Variants in EIF3L observed in about 807,000 individuals in gnomAD.
EIF3L encodes eIEF associated protein HSPC021.
EIF3L carries 32 observed loss-of-function variants against 74.6 expected under a neutral mutation model. The ratio of observed to expected loss-of-function variants is 0.43; its 90% CI spans 0.32 to 0.58. EIF3L has a LOEUF of 0.58. Ranked by LOEUF, EIF3L falls within the 20% of genes least tolerant of loss-of-function variation. The pLI is 0.06. For synonymous variants in EIF3L, 256 were observed against 254.4 expected, an observed-to-expected ratio of 1.01 and a Z score of -0.06; for missense variants, 474 against 707.8, an observed-to-expected ratio of 0.67 and a Z score of 3.75.
intron 11 of EIF3L, chr22:37,884,283 T>G (rs1927208642): frequency 6.6e-6 from 1 of 152,238 alleles, no homozygotes; most frequent in South Asian, 2.1e-4. Context: ...GTACTGCATT[T>G]TGTTTATCCA....
intron 11 of EIF3L, chr22:37,882,224 T>C (rs1049050246): frequency 6.6e-6 from 1 of 151,912 alleles, no homozygotes; most frequent in African/African-American, 2.4e-5. Context: ...GGAGACTCAC[T>C]TGAGCCCAAG....
intron 7 of EIF3L, 66 bp from the exon 8 acceptor site, chr22:37,870,110 A>T: frequency 1.4e-6 from 2 of 1,429,602 alleles, no homozygotes; most frequent in Non-Finnish European, 1.9e-6. Context: ...CGTTTTCAGC[A>T]TTGTGGACAT....
At chr22:37,864,371 G>T (rs139807825) in intron 7 of EIF3L, among the ~76,000 whole-genome samples, 1 of 152,204 alleles carries the variant, frequency 6.6e-6, no homozygotes, top group African/African-American at 2.4e-5. Flanking sequence ...GGTTACTTAA[G>T]TGTATGCTCG....
intron 8 of EIF3L, among the ~76,000 whole-genome samples, chr22:37,873,204 G>A (rs1926565047): frequency 6.6e-6 from 1 of 151,744 alleles, no homozygotes; most frequent in Admixed American, 6.6e-5. Flanking sequence ...GGGCAGGCTG[G>A]GCTCAAACTC....
chr22:37,872,341 C>G (rs1453193001), intron 8 of EIF3L, among the ~76,000 whole-genome samples: 1 of 152,112 alleles, frequency 6.6e-6, no homozygotes, highest in East Asian at 1.9e-4. Flanking sequence ...CCAGGCTGCT[C>G]TTGAACTCCC....
At chr22:37,858,496 A>G in intron 4 of EIF3L, 183 bp from the exon 5 acceptor site, 1 of 654,018 alleles carries the variant, frequency 1.5e-6, no homozygotes, top group East Asian at 2.7e-5. Context: ...ACAGAGATTG[A>G]GGTTGATGGA....
At chr22:37,883,979 GT>G (rs1927192069) in intron 11 of EIF3L, 1 of 152,156 alleles carries the variant, frequency 6.6e-6, no homozygotes, top group Non-Finnish European at 1.5e-5. Context: ...TGTTCACAGT[GT>G]TTTGCAACCA....
rs35994639 is a variant in EIF3L at position 37,874,895 on chromosome 22, A to ATT, written c.906+392_906+393dup. On this transcript the variant is annotated intron_variant, in intron 9 of 12. Coordinates refer to ENST00000652021, the MANE Select transcript of EIF3L (RefSeq NM_016091.4). ...AGGCATGCGCCACCATGCCCAGCTA[A>ATT]TTTTTTTTTTTTTTTTTTTTTTGTA... 7.0e-3 allele frequency among the ~76,000 whole-genome samples: 798 copies of ATT among 113,462 alleles called. 3 individuals carry two copies. Among genetic ancestry groups the ATT allele is most frequent in the Middle Eastern group, 0.011 (2 of 184 alleles). The allele number at this position is 113,462 out of a possible 152,430, so 74.4% of individuals were successfully genotyped here. A position where few individuals can be genotyped will look rare whatever the true frequency, so the allele number is the denominator to read the frequency against.
chr22:37,862,260 C>T (rs934152772), intron 5 of EIF3L, among the ~76,000 whole-genome samples: 4 of 152,184 alleles, frequency 2.6e-5, no homozygotes, highest in African/African-American at 9.7e-5. Flanking sequence ...TGTTTCTTCT[C>T]CATCACAAAT....
chr22:37,854,641 A>G (rs866377615), intron 3 of EIF3L, among the ~76,000 whole-genome samples: 1 of 151,944 alleles, frequency 6.6e-6, no homozygotes, highest in Non-Finnish European at 1.5e-5. Context: ...CTAATTTTGT[A>G]TTTTTAGTGG....
Position 37,874,509 on chromosome 22 carries a change from C to T in EIF3L, c.891C>T (p.Ile297=), listed in dbSNP as rs373890090. The stretch of plus-strand genomic sequence containing the variant: ...AGGCCATCAAGGTGCTGGAGAACAT[C>T]GAACTGAACAAGAAGGTGATGCCTA... The part of the protein sequence containing the change: ...YYQAIKVLEN[I]ELNKKSMYSR... Residue 297 remains isoleucine (I), a synonymous_variant, in exon 9 of 13, where the codon ATC becomes ATT. Transcript: ENST00000652021. 3 of 1,613,996 alleles carry T rather than the reference C, an allele frequency of 1.9e-6. No homozygotes were observed. Among genetic ancestry groups the T allele is most frequent in the South Asian group, 1.1e-5 (1 of 91,038 alleles).
At chr22:37,855,704 A>T (rs896197624) in intron 4 of EIF3L, 60 bp downstream of exon 4, 50 of 1,438,754 alleles carry the variant, frequency 3.5e-5, no homozygotes, top group Non-Finnish European at 4.9e-5. Context: ...GAGTCATTAG[A>T]CAGGAAGCTC....
chr22:37,876,044 T>A, intron 10 of EIF3L, 33 bp downstream of exon 10: 1 of 1,600,640 alleles, frequency 6.2e-7, no homozygotes. Flanking sequence ...CCAGTGGCCT[T>A]TCTAATCAGG....
In EIF3L at chr22:37,857,899, G is replaced by A. The variant is rs112319206; in HGVS notation, c.374-780G>A. On this transcript the variant is annotated intron_variant, in intron 4 of 12. Transcript: ENST00000652021. ...AAAACTCATTCTGTGGCTGGGTGTCGTAGCTCACGGCTGTAATTCTGGTAC... is the reference window on the plus strand; with the variant it reads ...AAAACTCATTCTGTGGCTGGGTGTCATAGCTCACGGCTGTAATTCTGGTAC... Among the ~76,000 whole-genome samples the A allele has an allele frequency of 6.1e-3, 926 of 152,178 alleles. 8 individuals are homozygous for A. The highest frequency in any genetic ancestry group is 0.02 in the African/African-American group (849 of 41,510).
At chr22:37,853,723 A>G (rs1925350756) in intron 3 of EIF3L, among the ~76,000 whole-genome samples, 1 of 152,226 alleles carries the variant, frequency 6.6e-6, no homozygotes. Context: ...TGTAATCAGT[A>G]TTTAAAAATT....
chr22:37,886,993 A>G, intron 12 of EIF3L, 148 bp downstream of exon 12: 1 of 550,578 alleles, frequency 1.8e-6, no homozygotes. Context: ...CAGCGACGTG[A>G]TCTTAGCTCA....
chr22:37,857,075 C>T (rs1421401168), intron 4 of EIF3L, among the ~76,000 whole-genome samples: 2 of 150,898 alleles, frequency 1.3e-5, no homozygotes, highest in African/African-American at 2.4e-5. Flanking sequence ...GTATTAAGTC[C>T]TCCAGGCCAG....
In EIF3L at chr22:37,851,383, T is replaced by C. The variant is rs1450909710; in HGVS notation, c.186T>C (p.Thr62=). ...IKNFIQYFHK[T]VSDLIDQKVY... ...ACTTCATCCAGTATTTCCACAAAAC[T>C]GTCTCAGATTTGATTGACCAGAAAG... is the stretch of plus-strand genomic sequence containing the variant. The change falls in exon 3 of 13, where the codon ACT becomes ACC. Residue 62 remains threonine (T), a synonymous_variant. Transcript: ENST00000652021. 1 of 1,614,170 alleles carries C rather than the reference T, an allele frequency of 6.2e-7. No individual in the cohort carries two copies. The highest frequency in any genetic ancestry group is 1.1e-5 in the South Asian group (1 of 91,080).
intron 4 of EIF3L, 37 bp from the exon 5 acceptor site, chr22:37,858,642 T>TA: frequency 6.3e-7 from 1 of 1,594,018 alleles, no homozygotes; most frequent in Non-Finnish European, 8.6e-7. Flanking sequence ...ACCCCAGTTT[T>TA]ATGGTTAGTG....
Sources: gnomAD v4.1 joint callset for allele counts (sites outside exome capture counted in the v4.1 genomes callset) on GRCh38, gnomAD v4.1.1 for gene constraint, MANE v1.5 for transcripts, NCBI Gene and HGNC (gene_info 2026-07-23, HGNC 2026-07-21) for gene names.